The following MACF1 variants were observed in gnomAD, a reference collection of about 807,000 sequenced individuals.
The protein encoded by MACF1 is microtubule actin crosslinking factor 1.
MACF1 carries 193 observed loss-of-function variants against 854.8 expected under a neutral mutation model. That is an observed-to-expected ratio of 0.23 (90% CI 0.20 to 0.25). The LOEUF is 0.25. Ranked by LOEUF, MACF1 falls within the 10% of genes least tolerant of loss-of-function variation. The probability of loss-of-function intolerance (pLI) is 1.00; values close to 1 mark genes in which losing one functional copy is unlikely to be tolerated. For missense variants in MACF1, 7,722 were observed against 8,929.1 expected, an observed-to-expected ratio of 0.86 and a Z score of 5.45; for synonymous variants, 3,185 against 3,226.7, an observed-to-expected ratio of 0.99 and a Z score of 0.44.
At chr1:39,432,420 G>A (rs1388747457) in intron 66 of MACF1, 115 bp from the exon 67 acceptor site, 2 of 821,188 alleles carry the variant, frequency 2.4e-6, no homozygotes, top group East Asian at 2.9e-5. Flanking sequence ...ACTCTACTTT[G>A]TGAGATATAA....
chr1:39,388,886 T>TC (rs1336643771), intron 58 of MACF1, among the ~76,000 whole-genome samples: 2 of 138,190 alleles, frequency 1.4e-5, no homozygotes, highest in Non-Finnish European at 3.1e-5. Context: ...TTTTTTTTTT[T>TC]TTTTTTTTTT....
chr1:39,392,572 T>C (rs1411425679), intron 58 of MACF1, among the ~76,000 whole-genome samples: 2 of 152,172 alleles, frequency 1.3e-5, no homozygotes, highest in Non-Finnish European at 2.9e-5. Context: ...GAGAAGAGGA[T>C]ATGAATCTGG....
intron 99 of MACF1, among the ~76,000 whole-genome samples, chr1:39,482,353 A>G (rs1645025374): frequency 6.6e-6 from 1 of 152,160 alleles, no homozygotes; most frequent in Non-Finnish European, 1.5e-5. Flanking sequence ...TTTCTTTATA[A>G]ATTTAAGAAG....
intron 6 of MACF1, chr1:39,269,293 G>T: frequency 7.8e-7 from 1 of 1,289,874 alleles, no homozygotes; most frequent in East Asian, 5.6e-5. Flanking sequence ...TTTCGGAGCT[G>T]TGCTTTGCCT....
intron 29 of MACF1, 27 bp from the exon 30 acceptor site, chr1:39,318,426 G>C: frequency 6.2e-7 from 1 of 1,606,784 alleles, no homozygotes. Context: ...CAAGGTATCT[G>C]ATAGCAGTTT....
chr1:39,388,811 C>T (rs1641898855), intron 58 of MACF1, among the ~76,000 whole-genome samples, 153 bp downstream of exon 58: 1 of 151,186 alleles, frequency 6.6e-6, no homozygotes, highest in African/African-American at 2.4e-5. Context: ...ACTAAATAGT[C>T]TCTCGGACTT....
intron 1 of MACF1, among the ~76,000 whole-genome samples, chr1:39,209,460 T>G (rs574698036): frequency 6.6e-6 from 1 of 152,238 alleles, no homozygotes; most frequent in Admixed American, 6.5e-5. Context: ...GCTTTATGGT[T>G]TTTTTCCTCT....
At chr1:39,484,502 C>G in intron 99 of MACF1, 99 bp from the exon 100 acceptor site, 1 of 1,040,002 alleles carries the variant, frequency 9.6e-7, no homozygotes, top group Admixed American at 2.4e-5. Flanking sequence ...TGCTTTTCAA[C>G]TAAGCAAATA....
At chr1:39,338,156 A>T (rs1233973948) in intron 38 of MACF1, among the ~76,000 whole-genome samples, 1 of 152,192 alleles carries the variant, frequency 6.6e-6, no homozygotes, top group Non-Finnish European at 1.5e-5. Flanking sequence ...CAGTAATTCA[A>T]GCAAGAAATG....
chr1:39,410,228 CT>C (rs760955917), intron 58 of MACF1: 2 of 1,475,184 alleles, frequency 1.4e-6, no homozygotes, highest in Non-Finnish European at 1.8e-6. Context: ...GTGAAAAATA[CT>C]TTTGAAAGAT....
chr1:39,292,904 C>G, intron 17 of MACF1, 61 bp downstream of exon 17: 2 of 1,367,556 alleles, frequency 1.5e-6, no homozygotes, highest in East Asian at 2.4e-5. Flanking sequence ...CCAATCAACT[C>G]TCTTCCGTAA....
intron 2 of MACF1, among the ~76,000 whole-genome samples, chr1:39,093,305 C>CTTTTTTTTTTT (rs34921076): frequency 1.8e-5 from 1 of 54,122 alleles, no homozygotes. Context: ...TACTCCACTT[C>CTTTTTTTTTTT]TTTTTTTTTT....
intron 4 of MACF1, among the ~76,000 whole-genome samples, chr1:39,253,509 ATTTTTTTTT>A (rs34578005): frequency 7.6e-5 from 7 of 91,528 alleles, no homozygotes; most frequent in East Asian, 6.6e-4. Context: ...AGCTATCTGT[ATTTTTTTTT>A]TTTTTTTTTT....
rs1183341023 is a variant in MACF1, at chr1:39,343,155, CT to C, written c.10581+2203del. 2.0e-5 allele frequency among the ~76,000 whole-genome samples: 3 copies of C among 152,220 alleles called. No individual in the cohort carries two copies. The East Asian group carries it at 5.8e-4, about 29-fold the overall frequency. ...AGAGAGTTTTCTCCCCAATATTGTTCTCTTTTTTTGTTCTATTTAAGATTAT... is the reference window on the plus strand; with the variant it reads ...AGAGAGTTTTCTCCCCAATATTGTTCCTTTTTTTGTTCTATTTAAGATTAT... On this transcript the variant is annotated intron_variant, in intron 40 of 100. Transcript: ENST00000564288.
In MACF1 at chr1:39,370,719, G is replaced by A. The variant is rs148783305; in HGVS notation, c.13095+533G>A. ...CATCCTGAGCAGATGAAAGAAAAGC[G>A]TTTGATTGCTTTCACAGAGTGAGTG... On this transcript the variant is annotated intron_variant, in intron 51 of 100. Coordinates refer to ENST00000564288, the MANE Select transcript of MACF1 (RefSeq NM_001394062.1). 1.7e-3 allele frequency among the ~76,000 whole-genome samples: 255 copies of A among 152,272 alleles called. 1 individual carries two copies. The highest frequency in any genetic ancestry group is 5.2e-3 in the South Asian group (25 of 4,826).
At chr1:39,252,475 A>G (rs571756097) in intron 4 of MACF1, among the ~76,000 whole-genome samples, 48 of 152,286 alleles carry the variant, frequency 3.2e-4, no homozygotes, top group Admixed American at 2.4e-3. Flanking sequence ...GAGGACAGAG[A>G]TTTAACTTGC....
At chr1:39,359,028 T>A in intron 46 of MACF1, 113 bp from the exon 47 acceptor site, 1 of 1,436,316 alleles carries the variant, frequency 7.0e-7, no homozygotes, top group African/African-American at 1.4e-5. Flanking sequence ...CTAATATTTA[T>A]GGCTATGGTT....
At chr1:39,350,340 G>A (rs1647151941) in intron 42 of MACF1, among the ~76,000 whole-genome samples, 1 of 152,158 alleles carries the variant, frequency 6.6e-6, no homozygotes, top group African/African-American at 2.4e-5. Context: ...CGACTGGACT[G>A]CAAAAAACAA....
chr1:39,484,296 A>G (rs1439068543), intron 99 of MACF1, among the ~76,000 whole-genome samples: 1 of 151,968 alleles, frequency 6.6e-6, no homozygotes, highest in Non-Finnish European at 1.5e-5. Context: ...CATTCACCAT[A>G]ATTGTTTGTT....
Sources: gnomAD v4.1 joint callset for allele counts (sites outside exome capture counted in the v4.1 genomes callset) on GRCh38, gnomAD v4.1.1 for gene constraint, MANE v1.5 for transcripts, NCBI Gene and HGNC (gene_info 2026-07-23, HGNC 2026-07-21) for gene names.